Variants in LTV1 observed in about 807,000 individuals in gnomAD.
The protein encoded by LTV1 is protein LTV1 homolog.
LTV1 carries 39 observed loss-of-function variants against 59.9 expected under a neutral mutation model. That is an observed-to-expected ratio of 0.65 (90% CI 0.50 to 0.85). LTV1 has a LOEUF of 0.85. LTV1 is among the 40% of genes least tolerant of loss of function. The pLI, the probability that LTV1 is intolerant of heterozygous loss-of-function variation, is 0.00. For missense variants in LTV1, 493 were observed against 549.1 expected (o/e 0.90, Z 1.02); for synonymous variants, 171 against 189.5 (o/e 0.90, Z 0.80).
Position 143,857,919 on chromosome 6 carries a change from CAA to C in LTV1, c.709_710del (p.Lys237GlufsTer17), listed in dbSNP as rs771070602. The C allele has an allele frequency of 8.1e-6, 13 of 1,613,926 alleles. No individual in the cohort carries two copies. The highest frequency in any genetic ancestry group is 3.3e-4 in the Middle Eastern group (2 of 6,084). ...GATCACTTGTTCTGGAGTGAGGAAA[CAA>C]AGAGTCGCTTCACGGAGTATTCGAT... On this transcript the variant is annotated frameshift_variant, in exon 6 of 11. Coordinates refer to ENST00000367576, the MANE Select transcript of LTV1 (RefSeq NM_032860.5). LOFTEE classifies it high-confidence loss of function. This position sits in a 1 kb window ranked among gnomAD's most constrained non-coding sequence, Gnocchi z 5.2.
At chr6:143,853,164 C>T (rs1262329460) in intron 4 of LTV1, among the ~76,000 whole-genome samples, 1 of 152,176 alleles carries the variant, frequency 6.6e-6, no homozygotes, top group African/African-American at 2.4e-5. Flanking sequence ...TTGTAGTTCT[C>T]CTTGAAGAGG....
chr6:143,844,874 C>G (rs921349900), intron 2 of LTV1, among the ~76,000 whole-genome samples: 2 of 152,088 alleles, frequency 1.3e-5, no homozygotes, highest in Non-Finnish European at 2.9e-5. Context: ...GGGAAATAAT[C>G]TATAAGTTAA....
chr6:143,850,244 A>G (rs756670629), intron 4 of LTV1, 26 bp downstream of exon 4: 4 of 1,542,660 alleles, frequency 2.6e-6, no homozygotes, highest in Admixed American at 3.4e-5. Flanking sequence ...TTATCTTTTC[A>G]TATGGATAAA....
rs148617408 is a variant in LTV1, at chr6:143,855,336, G to A, written c.398-1967G>A. ...ATTCCTTTATTTTGAGTCTGTGTGCGTCTTTGCACATGAGATAGGTCTCCT... is the reference window on the plus strand; with the variant it reads ...ATTCCTTTATTTTGAGTCTGTGTGCATCTTTGCACATGAGATAGGTCTCCT... On this transcript the variant is annotated intron_variant, in intron 4 of 10. Coordinates refer to ENST00000367576, the MANE Select transcript of LTV1 (RefSeq NM_032860.5). The surrounding 1 kb of genome is among the most constrained non-coding windows in gnomAD (Gnocchi z 4.6). 9.9e-5 allele frequency among the ~76,000 whole-genome samples: 15 copies of A among 152,136 alleles called. No individual in the cohort carries two copies. In the East Asian group the frequency reaches 2.5e-3, roughly 25 times the overall value.
chr6:143,863,086 C>T lies in LTV1; in HGVS notation c.1117C>T (p.Pro373Ser). The T allele has an allele frequency of 6.2e-7, 1 of 1,612,652 alleles. No individual in the cohort carries two copies. The highest frequency in any genetic ancestry group is 8.5e-7 in the Non-Finnish European group (1 of 1,178,908). ...HPQLIKYQPKPKQIRISSKTG... is the reference protein window; with the variant it reads ...HPQLIKYQPKSKQIRISSKTG... ...TAGTACCATTTTATCTGTATTTCAG[C>T]CCAAACAAATTCGAATATCTTCTAA... Residue 373 changes from proline to serine, a missense_variant and splice_region_variant, in exon 10 of 11, where the codon CCC (proline) becomes TCC (serine). Transcript: ENST00000367576. This position sits in a 1 kb window ranked among gnomAD's most constrained non-coding sequence, Gnocchi z 4.5.
At chr6:143,858,203 A>ACTGTACTC (rs1777111080) in intron 6 of LTV1, 196 bp downstream of exon 6, 1 of 614,182 alleles carries the variant, frequency 1.6e-6, no homozygotes, top group African/African-American at 1.8e-5. Context: ...GAGCACAAAG[A>ACTGTACTC]CTGCAAAGGG....
rs902942449 is a variant in LTV1, at chr6:143,855,811, C to T, written c.398-1492C>T. Among the ~76,000 whole-genome samples, 2 of 152,204 alleles carry T rather than the reference C, an allele frequency of 1.3e-5. No individual in the cohort carries two copies. Among genetic ancestry groups the T allele is most frequent in the African/African-American group, 4.8e-5 (2 of 41,444 alleles). On this transcript the variant is annotated intron_variant, in intron 4 of 10. Coordinates refer to ENST00000367576, the MANE Select transcript of LTV1 (RefSeq NM_032860.5). This position sits in a 1 kb window ranked among gnomAD's most constrained non-coding sequence, Gnocchi z 4.6. The stretch of plus-strand genomic sequence containing the variant: ...CTTGTACGGTTTCTGCTGAGAGATC[C>T]ACTGTTAGTCTGATGGGCTTCTCTT...
At chr6:143,850,726 C>T (rs560212055) in intron 4 of LTV1, among the ~76,000 whole-genome samples, 16 of 152,238 alleles carry the variant, frequency 1.1e-4, no homozygotes, top group African/African-American at 3.6e-4. Flanking sequence ...CCCAAGTTGC[C>T]TTAATTATTA....
intron 2 of LTV1, among the ~76,000 whole-genome samples, chr6:143,845,318 T>G (rs1235185964): frequency 6.6e-6 from 1 of 152,094 alleles, no homozygotes; most frequent in Non-Finnish European, 1.5e-5. Context: ...GTTTAGCTTT[T>G]CAGTAAAGCC....
intron 3 of LTV1, among the ~76,000 whole-genome samples, chr6:143,847,430 C>T (rs1290365337): frequency 2.6e-5 from 4 of 152,208 alleles, no homozygotes; most frequent in African/African-American, 7.2e-5. Context: ...GGCACGATCT[C>T]GGCTCACCGC....
rs767721619 is a variant in LTV1 at position 143,843,443 on chromosome 6, G to GC, written c.-31dup. 5 of 1,612,656 alleles carry GC rather than the reference G, an allele frequency of 3.1e-6. No homozygotes were observed. The highest frequency in any genetic ancestry group is 4.2e-6 in the Non-Finnish European group (5 of 1,179,908). Reference sequence around the variant, plus strand: ...GCCGGACTTCGAGGGTGTCATCGCCGCCCCTGTTGGGGGTGAGCGCCGCGC... The same window carrying GC: ...GCCGGACTTCGAGGGTGTCATCGCCGCCCCCTGTTGGGGGTGAGCGCCGCGC... On this transcript the variant is annotated 5_prime_UTR_variant, in exon 1 of 11. Coordinates refer to ENST00000367576, the MANE Select transcript of LTV1 (RefSeq NM_032860.5).
chr6:143,849,580 T>G (rs1205567596), intron 3 of LTV1, among the ~76,000 whole-genome samples: 1 of 152,198 alleles, frequency 6.6e-6, no homozygotes, highest in Non-Finnish European at 1.5e-5. Context: ...TATAGAGAGT[T>G]ACTTTTGGGT....
intron 6 of LTV1, 57 bp from the exon 7 acceptor site, chr6:143,860,369 G>A (rs1369212454): frequency 1.4e-5 from 21 of 1,532,312 alleles, no homozygotes; most frequent in African/African-American, 2.8e-5. Flanking sequence ...TTTTAAGTGT[G>A]TAGTCTTACT....
At position 143,846,076 on chromosome 6, in the gene LTV1, A is replaced by T; in HGVS notation, c.161A>T (p.Glu54Val). The T allele has an allele frequency of 6.2e-7, 1 of 1,614,192 alleles. No homozygotes were observed. ...ATAGACAATGAAGAAAGGCGAGCAGAACAGAGGAAGTATGGAGTGTTCTTT... is the reference window on the plus strand; with the variant it reads ...ATAGACAATGAAGAAAGGCGAGCAGTACAGAGGAAGTATGGAGTGTTCTTT... ...QKIDNEERRA[E>V]QRKYGVFFDD... is the part of the protein sequence containing the mutation. Residue 54 changes from glutamate to valine, a missense_variant, in exon 3 of 11, where the codon GAA (glutamate) becomes GTA (valine). Coordinates refer to ENST00000367576, the MANE Select transcript of LTV1 (RefSeq NM_032860.5).
chr6:143,851,868 C>G (rs1228164181), intron 4 of LTV1, among the ~76,000 whole-genome samples: 1 of 152,112 alleles, frequency 6.6e-6, no homozygotes, highest in African/African-American at 2.4e-5. Context: ...GTGATGGTTT[C>G]CAGCTTCATC....
At chr6:143,847,671 A>G (rs1417096723) in intron 3 of LTV1, among the ~76,000 whole-genome samples, 1 of 152,210 alleles carries the variant, frequency 6.6e-6, no homozygotes, top group African/African-American at 2.4e-5. Context: ...GTATAAGACT[A>G]ACTTTTAATC....
rs780835964 is a variant in LTV1 at position 143,860,507 on chromosome 6, C to T, written c.877C>T (p.Arg293Cys). The change falls in exon 7 of 11, where the codon CGC (arginine) becomes TGC (cysteine). Residue 293 changes from arginine to cysteine, a missense_variant. By Grantham distance (180) the Arg-to-Cys change is radical (BLOSUM62 -3). Coordinates refer to ENST00000367576, the MANE Select transcript of LTV1 (RefSeq NM_032860.5). ...AGGTTCTATTCAAGTGGACAGCAAT[C>T]GCTTACAGGAAGTTTTGAATGACTA... ...LEGSIQVDSN[R>C]LQEVLNDYYK... The T allele has an allele frequency of 1.3e-5, 21 of 1,613,334 alleles. No individual in the cohort carries two copies. The highest frequency in any genetic ancestry group is 1.6e-4 in the Middle Eastern group (1 of 6,080).
At chr6:143,848,721 C>T (rs1195559204) in intron 3 of LTV1, among the ~76,000 whole-genome samples, 4 of 152,108 alleles carry the variant, frequency 2.6e-5, no homozygotes, top group African/African-American at 4.8e-5. Context: ...TAGATTGCAG[C>T]GTGTGAAGAA....
At chr6:143,850,070 G>C in intron 3 of LTV1, 61 bp from the exon 4 acceptor site, 1 of 1,350,114 alleles carries the variant, frequency 7.4e-7, no homozygotes, top group Non-Finnish European at 1.1e-6. Context: ...ACTTCAACCC[G>C]GTACACTAGT....
Sources: gnomAD v4.1 joint callset for allele counts (sites outside exome capture counted in the v4.1 genomes callset) on GRCh38, gnomAD v4.1.1 for gene constraint, Gnocchi (gnomAD v3.1) non-coding constraint, MANE v1.5 for transcripts, NCBI Gene and HGNC (gene_info 2026-07-23, HGNC 2026-07-21) for gene names.